Variants in CADPS2 observed in about 807,000 individuals in gnomAD.
CADPS2 encodes the protein calcium dependent secretion activator 2, also known as calcium-dependent secretion activator 2.
In CADPS2, 93 loss-of-function variants were observed where a neutral mutation model predicts 172.5. That is an observed-to-expected ratio of 0.54 (90% CI 0.46 to 0.64). The LOEUF (loss-of-function observed/expected upper bound fraction) is 0.64. Ranked by LOEUF, CADPS2 falls within the 30% of genes least tolerant of loss-of-function variation. CADPS2 has a pLI of 0.00. For synonymous variants in CADPS2, 546 were observed against 555.2 expected (o/e 0.98, Z 0.23); for missense variants, 1,420 against 1,565.9 (o/e 0.91, Z 1.57).
At chr7:122,708,642 T>C (rs2088069701) in intron 2 of CADPS2, among the ~76,000 whole-genome samples, 1 of 150,002 alleles carries the variant, frequency 6.7e-6, no homozygotes, top group African/African-American at 2.5e-5. Flanking sequence ...AAATGAGCAT[T>C]TGGAATATGA....
At chr7:122,425,290 T>C (rs1431649147) in intron 17 of CADPS2, among the ~76,000 whole-genome samples, 1 of 151,880 alleles carries the variant, frequency 6.6e-6, no homozygotes, top group Non-Finnish European at 1.5e-5. Context: ...CATACATTTT[T>C]TTAAAGATTG....
intron 2 of CADPS2, among the ~76,000 whole-genome samples, chr7:122,716,824 G>C (rs1208348994): frequency 6.6e-6 from 1 of 152,106 alleles, no homozygotes; most frequent in African/African-American, 2.4e-5. Flanking sequence ...GTTCTTGGGA[G>C]GGGTGGGGAA....
chr7:122,855,007 C>A (rs927529366), intron 1 of CADPS2, among the ~76,000 whole-genome samples: 3 of 152,120 alleles, frequency 2.0e-5, no homozygotes, highest in Admixed American at 1.3e-4. Context: ...CCATAAAAGC[C>A]TTCAAATTAC....
At chr7:122,446,263 C>T (rs1317145902) in intron 15 of CADPS2, among the ~76,000 whole-genome samples, 1 of 152,110 alleles carries the variant, frequency 6.6e-6, no homozygotes, top group African/African-American at 2.4e-5. Context: ...TTTCTATATA[C>T]TTAAAATTTT....
intron 7 of CADPS2, among the ~76,000 whole-genome samples, chr7:122,579,822 A>T (rs1481950745): frequency 6.6e-6 from 1 of 152,214 alleles, no homozygotes; most frequent in East Asian, 1.9e-4. Flanking sequence ...CTTAGGTATT[A>T]ACAAATACAC....
intron 1 of CADPS2, among the ~76,000 whole-genome samples, chr7:122,753,073 C>T (rs1274937969): frequency 1.3e-5 from 2 of 152,086 alleles, no homozygotes; most frequent in East Asian, 1.9e-4. Context: ...TATTCAATGG[C>T]CCCGGGGTAA....
rs181124025 is a variant in CADPS2 at position 122,402,516 on chromosome 7, G to A, written c.2746+5024C>T. ...AGATAAAAAACTATTTTTAAACATC[G>A]AAGCATACAAATTTTAATCTAAGGA... On this transcript the variant is annotated intron_variant, in intron 20 of 29. Coordinates refer to ENST00000449022, the MANE Select transcript of CADPS2 (RefSeq NM_017954.11). Among the ~76,000 whole-genome samples the A allele has an allele frequency of 4.1e-4, 63 of 152,086 alleles. No individual in the cohort carries two copies. In the East Asian group the frequency reaches 4.5e-3, roughly 11 times the overall value.
intron 1 of CADPS2, among the ~76,000 whole-genome samples, chr7:122,855,462 T>C (rs1445406862): frequency 1.3e-5 from 2 of 152,150 alleles, no homozygotes; most frequent in African/African-American, 4.8e-5. Context: ...ATTCACACTA[T>C]AAGCACACCC....
intron 2 of CADPS2, among the ~76,000 whole-genome samples, chr7:122,717,295 C>CA (rs1186659653): frequency 6.6e-6 from 1 of 152,098 alleles, no homozygotes; most frequent in Non-Finnish European, 1.5e-5. Context: ...CATTTAGTAG[C>CA]AATGCCTGAG....
intron 1 of CADPS2, among the ~76,000 whole-genome samples, chr7:122,780,191 A>G (rs1792316786): frequency 6.6e-6 from 1 of 152,058 alleles, no homozygotes; most frequent in Non-Finnish European, 1.5e-5. Context: ...TATAATCACA[A>G]TCATGATTCT....
intron 3 of CADPS2, among the ~76,000 whole-genome samples, chr7:122,649,444 G>C (rs953692993): frequency 5.3e-5 from 8 of 152,134 alleles, no homozygotes; most frequent in Non-Finnish European, 1.0e-4. Context: ...TCCTCAGATG[G>C]GATGTCAGGC....
chr7:122,773,883 T>C (rs1344224682), intron 1 of CADPS2, among the ~76,000 whole-genome samples: 2 of 152,126 alleles, frequency 1.3e-5, no homozygotes, highest in Non-Finnish European at 2.9e-5. Context: ...TGTTCCCTGA[T>C]GTTTGGCATT....
intron 6 of CADPS2, among the ~76,000 whole-genome samples, chr7:122,597,921 T>A (rs1232092668): frequency 2.0e-5 from 3 of 152,052 alleles, no homozygotes; most frequent in Non-Finnish European, 2.9e-5. Flanking sequence ...ACATTTTTTT[T>A]TTTTGAAACA....
intron 21 of CADPS2, 45 bp downstream of exon 21, chr7:122,393,396 G>A: frequency 6.2e-7 from 1 of 1,613,120 alleles, no homozygotes; most frequent in Non-Finnish European, 8.5e-7. Flanking sequence ...ATAAGGTCAG[G>A]GTTGAAGAGG....
At chr7:122,837,973 C>A (rs914975752) in intron 1 of CADPS2, among the ~76,000 whole-genome samples, 7 of 151,918 alleles carry the variant, frequency 4.6e-5, no homozygotes, top group African/African-American at 4.8e-5. Context: ...AGAGACACAA[C>A]AAAAAAAGAG....
chr7:122,819,105 C>T (rs1802364233), intron 1 of CADPS2, among the ~76,000 whole-genome samples: 1 of 152,188 alleles, frequency 6.6e-6, no homozygotes, highest in South Asian at 2.1e-4. Flanking sequence ...AAACCCCAGC[C>T]ACATCTCCAG....
At chr7:122,645,449 A>ATTTAG (rs1252149081) in intron 3 of CADPS2, among the ~76,000 whole-genome samples, 1 of 87,336 alleles carries the variant, frequency 1.1e-5, no homozygotes, top group African/African-American at 4.3e-5. Context: ...ATATACACAC[A>ATTTAG]CATATGTATA....
At chr7:122,471,787 T>G (rs937300259) in intron 13 of CADPS2, among the ~76,000 whole-genome samples, 1 of 152,154 alleles carries the variant, frequency 6.6e-6, no homozygotes, top group Admixed American at 6.5e-5. Context: ...CAGCAAGGCA[T>G]GGGTAACTTG....
chr7:122,591,979 T>A (rs2070883438), intron 6 of CADPS2, among the ~76,000 whole-genome samples: 1 of 150,418 alleles, frequency 6.6e-6, no homozygotes. Flanking sequence ...AAGACAAAAT[T>A]GACAAATGGG....
Sources: allele counts gnomAD v4.1 joint callset (sites outside exome capture counted in the v4.1 genomes callset), GRCh38; gene constraint gnomAD v4.1.1; transcripts MANE v1.5; gene names NCBI Gene and HGNC (gene_info 2026-07-23, HGNC 2026-07-21).